Variants in VWA5B1 observed in about 807,000 individuals in gnomAD.
VWA5B1 encodes the protein von Willebrand factor A domain-containing protein 5B1.
VWA5B1 carries 115 observed loss-of-function variants against 118.2 expected under a neutral mutation model. The observed-to-expected ratio is 0.97, with a 90% confidence interval of 0.84 to 1.14. VWA5B1 has a LOEUF of 1.14. Ranked by LOEUF, VWA5B1 falls within the 50% of genes most tolerant of loss-of-function variation. The pLI is 0.00. For synonymous variants in VWA5B1, 682 were observed against 658.4 expected (o/e 1.04, Z -0.55); for missense variants, 1,596 against 1,603.8 (o/e 1.00, Z 0.08).
rs1344609759 is a variant in VWA5B1 at position 20,332,895 on chromosome 1, C to G, written c.1702C>G (p.Leu568Val). The part of the protein sequence containing the change: ...SASSLFPGER[L>V]VGYGIVCDAS... ...CAGCTCCCTCTTCCCTGGAGAACGG[C>G]TGGTGGGGTATGGCATTGTATGTGA... Residue 568 changes from leucine (L) to valine (V), a missense_variant, in exon 12 of 22, where the codon CTG becomes GTG. Physicochemically the swap from Leu to Val is conservative, Grantham distance 32. Transcript: ENST00000289815. 3.9e-6 allele frequency: 6 copies of G among 1,551,886 alleles called. No homozygotes were observed. The highest frequency in any genetic ancestry group is 5.2e-6 in the Non-Finnish European group (6 of 1,147,034).
intron 14 of VWA5B1, 49 bp downstream of exon 14, chr1:20,337,885 G>A: frequency 4.5e-6 from 7 of 1,550,540 alleles, no homozygotes; most frequent in Non-Finnish European, 5.2e-6. Flanking sequence ...GCGACAGGCA[G>A]GGGAGAGCTG....
intron 3 of VWA5B1, among the ~76,000 whole-genome samples, chr1:20,313,615 G>C (rs2100847517): frequency 6.6e-6 from 1 of 152,298 alleles, no homozygotes; most frequent in East Asian, 1.9e-4. Context: ...GAAGAGCCAG[G>C]GCTAGAATGT....
At chr1:20,292,974 G>A (rs2088339680) in intron 1 of VWA5B1, among the ~76,000 whole-genome samples, 1 of 152,232 alleles carries the variant, frequency 6.6e-6, no homozygotes, top group Non-Finnish European at 1.5e-5. Flanking sequence ...CTCAGGATCT[G>A]TGACCTCACA....
chr1:20,326,485 G>C (rs2089386321), intron 8 of VWA5B1, among the ~76,000 whole-genome samples: 1 of 152,060 alleles, frequency 6.6e-6, no homozygotes, highest in Non-Finnish European at 1.5e-5. Context: ...TGTTTTGTTT[G>C]AGATGAGTCT....
chr1:20,341,504 G>GA (rs1370996163), intron 14 of VWA5B1, among the ~76,000 whole-genome samples: 1 of 152,144 alleles, frequency 6.6e-6, no homozygotes, highest in Non-Finnish European at 1.5e-5. Flanking sequence ...CTGCAAGATG[G>GA]AAAAAAATTA....
chr1:20,344,168 C>T (rs905008320), intron 16 of VWA5B1, among the ~76,000 whole-genome samples: 3 of 151,552 alleles, frequency 2.0e-5, no homozygotes, highest in Non-Finnish European at 2.9e-5. Flanking sequence ...CTCCCCCAGC[C>T]CTGGGCTCTT....
chr1:20,296,464 T>C (rs975673268), intron 1 of VWA5B1, among the ~76,000 whole-genome samples: 48 of 152,216 alleles, frequency 3.2e-4, no homozygotes, highest in African/African-American at 1.2e-3. Context: ...AATGAGAACC[T>C]GGCATTTAGG....
At chr1:20,307,283 G>A (rs529272369) in intron 1 of VWA5B1, among the ~76,000 whole-genome samples, 4 of 152,246 alleles carry the variant, frequency 2.6e-5, no homozygotes, top group South Asian at 4.1e-4. Context: ...CCTGTGGCCC[G>A]CGCCCACCTG....
intron 14 of VWA5B1, among the ~76,000 whole-genome samples, chr1:20,341,465 TG>T (rs983974172): frequency 6.6e-6 from 1 of 152,236 alleles, no homozygotes; most frequent in African/African-American, 2.4e-5. Context: ...ACCACAGGGG[TG>T]CCATCAAACA....
Position 20,343,163 on chromosome 1 carries a change from C to A in VWA5B1, c.2396C>A (p.Pro799His). The A allele has an allele frequency of 6.5e-7, 1 of 1,548,982 alleles. No homozygotes were observed. The highest frequency in any genetic ancestry group is 1.4e-5 in the African/African-American group (1 of 73,118). Residue 799 changes from proline (P) to histidine (H), a missense_variant, in exon 16 of 22, where the codon CCC becomes CAC. Physicochemically the swap from Pro to His is moderately conservative, Grantham distance 77 (BLOSUM62 -2). Transcript: ENST00000289815. Reference sequence around the variant, plus strand: ...GCCGAGTCCCAGGAGCGAGCCAGTCCCAGCAGGCCCGCCACCCCGGCCCCG... The same window carrying A: ...GCCGAGTCCCAGGAGCGAGCCAGTCACAGCAGGCCCGCCACCCCGGCCCCG... ...PPAESQERAS[P>H]SRPATPAPVL... is the part of the protein sequence containing the mutation.
chr1:20,320,580 C>T (rs1013762667), intron 7 of VWA5B1, among the ~76,000 whole-genome samples: 6 of 152,250 alleles, frequency 3.9e-5, no homozygotes, highest in East Asian at 1.9e-4. Context: ...GGCTGGCTGC[C>T]CTGCCTGCCA....
At chr1:20,296,498 T>C (rs1166647912) in intron 1 of VWA5B1, among the ~76,000 whole-genome samples, 2 of 152,178 alleles carry the variant, frequency 1.3e-5, no homozygotes, top group African/African-American at 4.8e-5. Flanking sequence ...GAAGAGAATA[T>C]GCACAACAAT....
rs375810529 is a variant in VWA5B1, at chr1:20,330,591, A to G, written c.1457+209A>G. On this transcript the variant is annotated intron_variant, in intron 10 of 21. Coordinates refer to ENST00000289815, the MANE Select transcript of VWA5B1 (RefSeq NM_001039500.3). Reference sequence around the variant, plus strand: ...ATGGGTGAGCTACCCATGCCTCTGCACACGACTCACAAGAGAAGCCCAGGG... The same window carrying G: ...ATGGGTGAGCTACCCATGCCTCTGCGCACGACTCACAAGAGAAGCCCAGGG... 2.6e-5 allele frequency among the ~76,000 whole-genome samples: 4 copies of G among 152,240 alleles called. No individual in the cohort carries two copies. The East Asian group carries it at 5.8e-4, about 22-fold the overall frequency.
chr1:20,307,937 G>T (rs1255562806), intron 1 of VWA5B1, among the ~76,000 whole-genome samples: 1 of 151,626 alleles, frequency 6.6e-6, no homozygotes, highest in South Asian at 2.1e-4. Context: ...TGGATATGTT[G>T]CATGATGGTG....
chr1:20,310,605 C>A lies in VWA5B1; in HGVS notation c.4C>A (p.Pro2Thr). 1 of 1,534,930 alleles carries A rather than the reference C, an allele frequency of 6.5e-7. No homozygotes were observed. The highest frequency in any genetic ancestry group is 8.8e-7 in the Non-Finnish European group (1 of 1,139,924). ...TGAAGGCTGAGTAGCCAGCGGGATG[C>A]CCGGCTTGCTGAATTGGATCACGGG... Reference protein sequence around the residue: MPGLLNWITGAA... With the variant: MTGLLNWITGAA... Residue 2 changes from proline to threonine, a missense_variant, in exon 2 of 22, where the codon CCC (proline) becomes ACC (threonine). Pro to Thr is a conservative substitution (Grantham distance 38, BLOSUM62 -1). Transcript: ENST00000289815.
rs1304156992 is a variant in VWA5B1, at chr1:20,354,009, G to A, written c.3394G>A (p.Val1132Met). Residue 1132 changes from valine to methionine, a missense_variant, in exon 22 of 22, where the codon GTG becomes ATG. Val to Met is a conservative substitution (Grantham distance 21, BLOSUM62 1). Transcript: ENST00000289815. ...KGKLGLEPRA[V>M]VEHTGKLWAT... ...CAAGCTGGGCCTGGAGCCGAGGGCA[G>A]TGGTGGAGCACACTGGGAAGCTGTG... 6.4e-7 allele frequency: 1 copy of A among 1,551,624 alleles called. No individual in the cohort carries two copies. The highest frequency in any genetic ancestry group is 8.7e-7 in the Non-Finnish European group (1 of 1,147,026).
chr1:20,321,885 A>T (rs1387325732), intron 7 of VWA5B1, among the ~76,000 whole-genome samples: 1 of 152,194 alleles, frequency 6.6e-6, no homozygotes, highest in East Asian at 1.9e-4. Flanking sequence ...GGCAGGGGTC[A>T]AGCCACAGGG....
chr1:20,312,053 G>A (rs959178454), intron 2 of VWA5B1, among the ~76,000 whole-genome samples: 7 of 152,140 alleles, frequency 4.6e-5, no homozygotes, highest in Admixed American at 2.0e-4. Context: ...TTTGTGAGGG[G>A]CTCACCCTGG....
chr1:20,356,795 C>A lies in VWA5B1; in HGVS notation c.*2532C>A, dbSNP rs143068621. Among the ~76,000 whole-genome samples the A allele has an allele frequency of 1.1e-3, 169 of 152,298 alleles. No individual in the cohort carries two copies. The highest frequency in any genetic ancestry group is 4.0e-3 in the African/African-American group (167 of 41,562). On this transcript the variant is annotated 3_prime_UTR_variant, in exon 22 of 22. Transcript: ENST00000289815. ...AAATCTTCATTGGTTGCAAATAACCCAAGAGCTATGGGGGCAGGTCTGGAC... is the reference window on the plus strand; with the variant it reads ...AAATCTTCATTGGTTGCAAATAACCAAAGAGCTATGGGGGCAGGTCTGGAC...
Sources: gnomAD v4.1 joint callset for allele counts (sites outside exome capture counted in the v4.1 genomes callset) on GRCh38, gnomAD v4.1.1 for gene constraint, MANE v1.5 for transcripts, NCBI Gene and HGNC (gene_info 2026-07-23, HGNC 2026-07-21) for gene names.